Variants in EML5 observed in about 807,000 individuals in gnomAD.
The protein encoded by EML5 is echinoderm microtubule-associated protein-like 5.
EML5 carries 120 observed loss-of-function variants against 250.0 expected under a neutral mutation model. The ratio of observed to expected loss-of-function variants is 0.48; its 90% CI spans 0.41 to 0.56. EML5 has a LOEUF of 0.56. EML5 is among the 20% of genes least tolerant of loss of function. EML5 has a pLI of 0.00. For synonymous variants in EML5, 771 were observed against 806.5 expected (o/e 0.96, Z 0.75); for missense variants, 2,006 against 2,437.6 (o/e 0.82, Z 3.73).
At chr14:88,737,555 T>C in intron 6 of EML5, among the ~76,000 whole-genome samples, 1 of 152,214 alleles carries the variant, frequency 6.6e-6, no homozygotes, top group East Asian at 1.9e-4. Flanking sequence ...GCTGGCAAGG[T>C]AGCACCCAAA....
intron 21 of EML5, among the ~76,000 whole-genome samples, chr14:88,678,946 T>G (rs4899959): frequency 0.099 from 14,977 of 152,034 alleles, 1,191 homozygotes; most frequent in East Asian, 0.28. Context: ...GGCAGAGCTA[T>G]GCTCCGTTGT....
At chr14:88,639,858 G>A (rs1195632371) in intron 31 of EML5, among the ~76,000 whole-genome samples, 2 of 152,250 alleles carry the variant, frequency 1.3e-5, no homozygotes, top group Admixed American at 6.5e-5. Context: ...TGGGATTACG[G>A]GCATGAGCCA....
chr14:88,634,928 A>G (rs2090637219), intron 32 of EML5, among the ~76,000 whole-genome samples: 1 of 152,202 alleles, frequency 6.6e-6, no homozygotes, highest in South Asian at 2.1e-4. Context: ...CTTTTAATGC[A>G]TCTCTGTCTC....
intron 1 of EML5, among the ~76,000 whole-genome samples, chr14:88,785,696 T>C (rs1000530622): frequency 6.6e-6 from 1 of 152,098 alleles, no homozygotes; most frequent in Non-Finnish European, 1.5e-5. Context: ...ATCTTCAAAA[T>C]ACATAAAAAT....
Position 88,688,368 on chromosome 14 carries a change from G to A in EML5, c.2645C>T (p.Thr882Ile). 2 of 1,613,978 alleles carry A rather than the reference G, an allele frequency of 1.2e-6. No homozygotes were observed. The highest frequency in any genetic ancestry group is 1.7e-6 in the Non-Finnish European group (2 of 1,179,888). ...GWTEEMAFSG[T>I]STGDVCIWRD... ...CCAGATACACACATCTCCTGTGGAT[G>A]TTCCAGAAAAAGCCATCTCTTCAGT... The change falls in exon 18 of 44, where the codon ACA becomes ATA. Residue 882 changes from threonine (T) to isoleucine (I), a missense_variant. Around this residue, in one of 7 missense-constraint regions of EML5, gnomAD observed 1,375 missense variants for 1,590.3 expected, o/e 0.86. Coordinates refer to ENST00000554922, the MANE Select transcript of EML5 (RefSeq NM_183387.3).
Position 88,792,534 on chromosome 14 carries a change from G to C in EML5, c.-31C>G. 1 of 1,245,820 alleles carries C rather than the reference G, an allele frequency of 8.0e-7. No individual in the cohort carries two copies. 77.2% of individuals were successfully genotyped at this position (1,245,820 alleles called of 1,614,324 possible). A position where few individuals can be genotyped will look rare whatever the true frequency, so the allele number is the denominator to read the frequency against. On this transcript the variant is annotated 5_prime_UTR_variant, in exon 1 of 44. Transcript: ENST00000554922. The surrounding 1 kb of genome is among the most constrained non-coding windows in gnomAD (Gnocchi z 6.9). ...GGCGCCCACCCGCCGCTCCCGCTCG[G>C]GCCCGCGGCGGCGACGGGAGGCGGC...
At chr14:88,703,881 T>C (rs1007851919) in intron 13 of EML5, among the ~76,000 whole-genome samples, 3 of 152,206 alleles carry the variant, frequency 2.0e-5, no homozygotes, top group African/African-American at 7.2e-5. Context: ...TTTACTTAAT[T>C]GTTTAAAGAG....
intron 1 of EML5, among the ~76,000 whole-genome samples, chr14:88,772,646 G>C (rs901837516): frequency 1.8e-4 from 28 of 152,188 alleles, no homozygotes; most frequent in African/African-American, 6.5e-4. Flanking sequence ...CCAGCTACTG[G>C]GGAGGCTGAG....
intron 2 of EML5, 100 bp from the exon 3 acceptor site, chr14:88,746,383 A>G (rs1295011291): frequency 8.4e-6 from 8 of 948,534 alleles, no homozygotes; most frequent in Non-Finnish European, 1.1e-5. Flanking sequence ...ATGGGTTTTT[A>G]TAAACATAAA....
chr14:88,651,017 A>G (rs761542263), intron 27 of EML5, among the ~76,000 whole-genome samples: 4 of 152,122 alleles, frequency 2.6e-5, no homozygotes, highest in Non-Finnish European at 5.9e-5. Context: ...ATTTAAATAA[A>G]CCATGAACCA....
At chr14:88,666,626 T>A (rs1257741267) in intron 21 of EML5, among the ~76,000 whole-genome samples, 1 of 152,188 alleles carries the variant, frequency 6.6e-6, no homozygotes, top group Non-Finnish European at 1.5e-5. Flanking sequence ...AAATGATATT[T>A]TTATTATTAA....
chr14:88,665,198 T>C (rs2092270423), intron 22 of EML5, 139 bp downstream of exon 22: 2 of 879,826 alleles, frequency 2.3e-6, no homozygotes, highest in Non-Finnish European at 1.7e-6. Flanking sequence ...ACAGGGCTTT[T>C]ACCTCTTGCT....
intron 28 of EML5, among the ~76,000 whole-genome samples, chr14:88,648,346 C>A (rs2091453701): frequency 6.6e-6 from 1 of 151,920 alleles, no homozygotes; most frequent in Admixed American, 6.6e-5. Flanking sequence ...ACAAGATTCC[C>A]AGAATAATAA....
intron 17 of EML5, among the ~76,000 whole-genome samples, chr14:88,691,582 T>G (rs868762479): frequency 4.6e-5 from 7 of 152,298 alleles, no homozygotes; most frequent in Middle Eastern, 3.4e-3. Flanking sequence ...CTACCATGAA[T>G]AGAGTTCAAA....
At chr14:88,643,414 T>C (rs547349195) in intron 30 of EML5, among the ~76,000 whole-genome samples, 1 of 152,300 alleles carries the variant, frequency 6.6e-6, no homozygotes, top group South Asian at 2.1e-4. Flanking sequence ...AAACACAATA[T>C]TGTATAACAA....
intron 33 of EML5, among the ~76,000 whole-genome samples, chr14:88,628,715 ATGT>A (rs2090215401): frequency 6.6e-6 from 1 of 152,060 alleles, no homozygotes; most frequent in Non-Finnish European, 1.5e-5. Flanking sequence ...GCAGAAATAA[ATGT>A]TGGTCTCTAA....
At chr14:88,619,049 T>C (rs767753236) in intron 39 of EML5, 2 of 337,584 alleles carry the variant, frequency 5.9e-6, no homozygotes, top group Non-Finnish European at 1.0e-5. Context: ...CCCAATTCCT[T>C]TAAAAACGTC....
At chr14:88,768,347 T>G (rs1157930806) in intron 1 of EML5, among the ~76,000 whole-genome samples, 4 of 152,162 alleles carry the variant, frequency 2.6e-5, no homozygotes, top group Non-Finnish European at 4.4e-5. Flanking sequence ...TTTCACCCAC[T>G]AATTTTAGCA....
rs2088661578 is a variant in EML5, at chr14:88,620,370, C to CT, written c.5375+383dup. ...AATTAATGAACTACATATTCCCAAA[C>CT]TGAGGTTACTAAGAGAAGATATGTT... On this transcript the variant is annotated intron_variant, in intron 39 of 43. Transcript: ENST00000554922. This position sits in a 1 kb window ranked among gnomAD's most constrained non-coding sequence, Gnocchi z 4.3. The CT allele has an allele frequency of 6.2e-6, 1 of 161,924 alleles. No homozygotes were observed. The highest frequency in any genetic ancestry group is 2.0e-4 in the South Asian group (1 of 4,922). The allele number at this position is 161,924 out of a possible 1,614,324, so 10.0% of individuals were successfully genotyped here. A position where few individuals can be genotyped will look rare whatever the true frequency, so the allele number is the denominator to read the frequency against.
Sources: gnomAD v4.1 joint callset for allele counts (sites outside exome capture counted in the v4.1 genomes callset) on GRCh38, gnomAD v4.1.1 for gene constraint, gnomAD v4.1.1 regional missense constraint, Gnocchi (gnomAD v3.1) non-coding constraint, MANE v1.5 for transcripts, NCBI Gene and HGNC (gene_info 2026-07-23, HGNC 2026-07-21) for gene names.